The following MECOM variants were observed in gnomAD, a reference collection of about 807,000 sequenced individuals.
MECOM encodes the protein MDS1 and EVI1 complex locus.
Under a neutral mutation model 116.3 loss-of-function variants are expected in MECOM, and 13 were observed. That is an observed-to-expected ratio of 0.11 (90% CI 0.07 to 0.18). The LOEUF (loss-of-function observed/expected upper bound fraction) is 0.18, where lower values mean the gene tolerates loss of function less well. Ranked by LOEUF, MECOM falls within the 10% of genes least tolerant of loss-of-function variation. MECOM has a pLI of 1.00. For missense variants in MECOM, 1,299 were observed against 1,509.0 expected (o/e 0.86, Z 2.31); for synonymous variants, 528 against 535.2 (o/e 0.99, Z 0.19).
chr3:169,465,058 A>C (rs948431769), intron 1 of MECOM, among the ~76,000 whole-genome samples: 11 of 152,172 alleles, frequency 7.2e-5, no homozygotes, highest in Non-Finnish European at 1.3e-4. Context: ...TATTAGAATC[A>C]GAATAAAAAC....
chr3:169,219,081 C>T (rs1204096830), intron 2 of MECOM, among the ~76,000 whole-genome samples: 1 of 152,058 alleles, frequency 6.6e-6, no homozygotes, highest in Non-Finnish European at 1.5e-5. Context: ...ATCCTCATCT[C>T]GCTATAACAG....
At chr3:169,239,343 G>A (rs898256243) in intron 2 of MECOM, among the ~76,000 whole-genome samples, 1 of 151,706 alleles carries the variant, frequency 6.6e-6, no homozygotes, top group Non-Finnish European at 1.5e-5. Context: ...TGAAATATAT[G>A]GAGAAATAAA....
chr3:169,344,011 A>T (rs888896903), intron 2 of MECOM, among the ~76,000 whole-genome samples: 29 of 152,158 alleles, frequency 1.9e-4, no homozygotes, highest in African/African-American at 7.0e-4. Context: ...CGAGTTCTTA[A>T]AATTGTTGGA....
intron 1 of MECOM, chr3:169,565,903 C>T (rs895638546): frequency 6.7e-5 from 29 of 434,486 alleles, no homozygotes; most frequent in Non-Finnish European, 1.2e-4. Flanking sequence ...AGTTAGTTTT[C>T]ACACTCCTTT....
intron 1 of MECOM, among the ~76,000 whole-genome samples, chr3:169,584,430 T>C (rs1330459308): frequency 2.6e-5 from 4 of 151,558 alleles, no homozygotes; most frequent in African/African-American, 4.8e-5. Context: ...CCGGGCGTGG[T>C]GGCGAGCGCC....
chr3:169,271,625 G>A (rs960718673), intron 2 of MECOM, among the ~76,000 whole-genome samples: 3 of 152,078 alleles, frequency 2.0e-5, no homozygotes, highest in Non-Finnish European at 4.4e-5. Flanking sequence ...GGGGGCTGGG[G>A]GATGGATAGC....
At chr3:169,407,598 G>A (rs1237387779) in intron 1 of MECOM, among the ~76,000 whole-genome samples, 1 of 152,154 alleles carries the variant, frequency 6.6e-6, no homozygotes, top group Non-Finnish European at 1.5e-5. Flanking sequence ...CTCAAGAAGG[G>A]CTTGCTACTT....
At chr3:169,098,913 AAT>A (rs1722609349) in intron 12 of MECOM, among the ~76,000 whole-genome samples, 1 of 152,144 alleles carries the variant, frequency 6.6e-6, no homozygotes, top group South Asian at 2.1e-4. Context: ...CCCTATTGTT[AAT>A]ATGTTTCAGG....
At chr3:169,506,927 C>A (rs375632811) in intron 1 of MECOM, among the ~76,000 whole-genome samples, 1 of 152,118 alleles carries the variant, frequency 6.6e-6, no homozygotes, top group African/African-American at 2.4e-5. Context: ...GGTTGGAAAG[C>A]CATTTGTTTT....
intron 1 of MECOM, among the ~76,000 whole-genome samples, chr3:169,650,871 G>T (rs1354016434): frequency 6.6e-6 from 1 of 151,984 alleles, no homozygotes; most frequent in Admixed American, 6.6e-5. Context: ...ACAGGGAATT[G>T]GTTCAATGAA....
Position 169,271,935 on chromosome 3 carries a change from C to T in MECOM, c.375+109252G>A, listed in dbSNP as rs2068376. On this transcript the variant is annotated intron_variant, in intron 2 of 16. Coordinates refer to ENST00000651503, the MANE Select transcript of MECOM (RefSeq NM_004991.4). The stretch of plus-strand genomic sequence containing the variant: ...ACACCATCAAGGCCATTTTTCTGTG[C>T]TTAAGCTCATACCAATGAAAACTAC... Among the ~76,000 whole-genome samples the T allele has an allele frequency of 5.1e-4, 78 of 152,256 alleles. 1 individual carries two copies. The highest frequency in any genetic ancestry group is 1.8e-3 in the African/African-American group (75 of 41,552).
At chr3:169,391,579 T>A (rs1734198835) in intron 1 of MECOM, among the ~76,000 whole-genome samples, 1 of 152,198 alleles carries the variant, frequency 6.6e-6, no homozygotes, top group Non-Finnish European at 1.5e-5. Flanking sequence ...TTTTGCTTTT[T>A]TTAAGTATGA....
chr3:169,233,397 G>A (rs1753658025), intron 2 of MECOM, among the ~76,000 whole-genome samples: 1 of 152,062 alleles, frequency 6.6e-6, no homozygotes, highest in Admixed American at 6.6e-5. Flanking sequence ...GTAAAATGGG[G>A]GTGAAAGACG....
chr3:169,284,603 G>A (rs907841709), intron 2 of MECOM, among the ~76,000 whole-genome samples: 2 of 151,816 alleles, frequency 1.3e-5, no homozygotes, highest in Non-Finnish European at 2.9e-5. Flanking sequence ...AAATGTGTGT[G>A]TATATACAAA....
intron 4 of MECOM, among the ~76,000 whole-genome samples, chr3:169,129,219 A>G (rs1038005577): frequency 1.3e-5 from 2 of 152,044 alleles, no homozygotes; most frequent in Non-Finnish European, 2.9e-5. Flanking sequence ...AGAGGCAAAA[A>G]AGAACATGGC....
intron 2 of MECOM, chr3:169,149,730 A>G (rs1290262470): frequency 2.2e-6 from 1 of 458,752 alleles, no homozygotes; most frequent in Non-Finnish European, 4.4e-6. Flanking sequence ...GTGAACGCTT[A>G]CCCTCCGAGA....
In MECOM at chr3:169,663,653, A is replaced by G. The variant is rs1051007196; in HGVS notation, c.-281T>C. 2.1e-6 allele frequency: 1 copy of G among 469,426 alleles called. No homozygotes were observed. The highest frequency in any genetic ancestry group is 3.8e-6 in the Non-Finnish European group (1 of 265,300). The allele number at this position is 469,426 out of a possible 1,614,324, so 29.1% of individuals were successfully genotyped here. A position where few individuals can be genotyped will look rare whatever the true frequency, so the allele number is the denominator to read the frequency against. ...CTCAATCCACACTCGCTATCTCTCC[A>G]GCATTGTCAGTTTGGACACCTTCGC... On this transcript the variant is annotated 5_prime_UTR_variant, in exon 1 of 17. Coordinates refer to ENST00000651503, the MANE Select transcript of MECOM (RefSeq NM_004991.4).
chr3:169,105,866 C>T (rs1286770788), intron 10 of MECOM, among the ~76,000 whole-genome samples: 1 of 152,046 alleles, frequency 6.6e-6, no homozygotes, highest in Non-Finnish European at 1.5e-5. Context: ...AAAAATGTAG[C>T]TATCTCTCTA....
intron 2 of MECOM, among the ~76,000 whole-genome samples, chr3:169,294,701 G>C (rs1476161835): frequency 6.6e-6 from 1 of 152,120 alleles, no homozygotes; most frequent in Non-Finnish European, 1.5e-5. Flanking sequence ...GGAGCTTATT[G>C]GACAATGATG....
Sources: gnomAD v4.1 joint callset for allele counts (sites outside exome capture counted in the v4.1 genomes callset) on GRCh38, gnomAD v4.1.1 for gene constraint, MANE v1.5 for transcripts, NCBI Gene and HGNC (gene_info 2026-07-23, HGNC 2026-07-21) for gene names.